The following MAP4K5 variants were observed in gnomAD, a reference collection of about 807,000 sequenced individuals.
MAP4K5 encodes the protein MAPK/ERK kinase kinase kinase 5.
MAP4K5 carries 82 observed loss-of-function variants against 135.6 expected under a neutral mutation model. That is an observed-to-expected ratio of 0.60 (90% CI 0.51 to 0.73). MAP4K5 has a LOEUF of 0.73. Ranked by LOEUF, MAP4K5 falls within the 30% of genes least tolerant of loss-of-function variation. The pLI is 0.00. For synonymous variants in MAP4K5, 347 were observed against 335.0 expected (o/e 1.04, Z -0.39); for missense variants, 907 against 1,010.9 (o/e 0.90, Z 1.39).
rs1407463708 is a variant in MAP4K5, at chr14:50,466,641, G to C, written c.679C>G (p.Leu227Val). Residue 227 changes from leucine (L) to valine (V), a missense_variant, in exon 11 of 33, where the codon CTC (leucine) becomes GTC (valine). Physicochemically the swap from Leu to Val is conservative, Grantham distance 32. Around this residue, in one of 3 missense-constraint regions of MAP4K5, gnomAD observed 690 missense variants for 777.4 expected, o/e 0.89. Coordinates refer to ENST00000682126, the MANE Select transcript of MAP4K5 (RefSeq NM_006575.6). ...AAATTACTTTTTGACATTAAGAAGA[G>C]AGCCCTGAAATAAAAATTATAGTTA... ...PMFDLHPMRA[L>V]FLMSKSNFQP... 7.1e-7 allele frequency: 1 copy of C among 1,414,058 alleles called. No individual in the cohort carries two copies. The allele number at this position is 1,414,058 out of a possible 1,614,324, so 87.6% of individuals were successfully genotyped here.
chr14:50,441,127 A>G (rs1805236300), intron 21 of MAP4K5, among the ~76,000 whole-genome samples: 1 of 152,206 alleles, frequency 6.6e-6, no homozygotes, highest in African/African-American at 2.4e-5. Flanking sequence ...AAACGAATGA[A>G]TAAGTGGGAA....
chr14:50,469,588 T>C (rs2036910631), intron 9 of MAP4K5, among the ~76,000 whole-genome samples: 1 of 152,144 alleles, frequency 6.6e-6, no homozygotes, highest in Non-Finnish European at 1.5e-5. Context: ...GTCAGGCAGA[T>C]ATGTTAGAGA....
chr14:50,532,572 TCGCCGC>T (rs531110683), upstream of MAP4K5: 12 of 150,358 alleles, frequency 8.0e-5, no homozygotes, highest in South Asian at 2.0e-4. Flanking sequence ...GCGCGTACAG[TCGCCGC>T]CGCCGCCGCC....
chr14:50,442,590 T>C (rs2036253360), intron 21 of MAP4K5, 142 bp downstream of exon 21: 2 of 600,688 alleles, frequency 3.3e-6, no homozygotes, highest in Non-Finnish European at 5.8e-6. Context: ...CCTATTGACC[T>C]ATTTAGGTTG....
chr14:50,530,975 A>G (rs752901595), intron 2 of MAP4K5, among the ~76,000 whole-genome samples: 4 of 152,248 alleles, frequency 2.6e-5, no homozygotes, highest in South Asian at 2.1e-4. Context: ...AAACCACTTC[A>G]GCGATATGCA....
upstream of MAP4K5, among the ~76,000 whole-genome samples, chr14:50,537,089 G>C (rs2038502885): frequency 6.6e-6 from 1 of 152,218 alleles, no homozygotes; most frequent in African/African-American, 2.4e-5. Context: ...CACAGGCCAG[G>C]AGACCTAGGA....
chr14:50,543,912 C>T (rs945553564), intron 1 of MAP4K5, among the ~76,000 whole-genome samples: 2 of 152,162 alleles, frequency 1.3e-5, no homozygotes, highest in African/African-American at 4.8e-5. Flanking sequence ...GACATGGTCA[C>T]AATTCTATTT....
intron 1 of MAP4K5, among the ~76,000 whole-genome samples, chr14:50,553,630 T>C (rs2038730399): frequency 6.6e-6 from 1 of 152,212 alleles, no homozygotes; most frequent in Non-Finnish European, 1.5e-5. Flanking sequence ...TAAGTCATTA[T>C]GTGAAAAAGA....
intron 1 of MAP4K5, among the ~76,000 whole-genome samples, chr14:50,555,580 A>G (rs1253187178): frequency 6.6e-6 from 1 of 152,212 alleles, no homozygotes; most frequent in Non-Finnish European, 1.5e-5. Flanking sequence ...CACCGTGGCC[A>G]GCCAGTTCCT....
At chr14:50,515,427 T>C (rs911798068) in intron 2 of MAP4K5, among the ~76,000 whole-genome samples, 4 of 152,206 alleles carry the variant, frequency 2.6e-5, no homozygotes, top group Non-Finnish European at 2.9e-5. Flanking sequence ...CTCATCAATT[T>C]GCCAATGCAT....
chr14:50,509,618 G>T (rs1412903479), intron 2 of MAP4K5, among the ~76,000 whole-genome samples: 2 of 150,116 alleles, frequency 1.3e-5, no homozygotes, highest in African/African-American at 4.9e-5. Context: ...AAAAATTATC[G>T]AATAAAAGTT....
intron 2 of MAP4K5, among the ~76,000 whole-genome samples, chr14:50,520,748 T>C (rs1365246557): frequency 6.6e-6 from 1 of 151,422 alleles, no homozygotes; most frequent in Non-Finnish European, 1.5e-5. Context: ...AGGAAGAATA[T>C]GCAGCAACCA....
At chr14:50,495,632 T>C (rs1237234253) in intron 3 of MAP4K5, among the ~76,000 whole-genome samples, 1 of 152,208 alleles carries the variant, frequency 6.6e-6, no homozygotes, top group Non-Finnish European at 1.5e-5. Context: ...GCAGCACTAT[T>C]TACAATAGCC....
At chr14:50,532,745 CCGCGCCCCCCTAGCCGGG>C (rs2038432470), upstream of MAP4K5, 3 of 152,890 alleles carry the variant, frequency 2.0e-5, no homozygotes, top group Admixed American at 1.3e-4. Context: ...GACCGCGCCA[CCGCGCCCCCCTAGCCGGG>C]CGCGTCCTTG....
intron 2 of MAP4K5, among the ~76,000 whole-genome samples, chr14:50,539,678 C>G (rs907961015): frequency 4.6e-5 from 7 of 152,140 alleles, no homozygotes; most frequent in African/African-American, 9.7e-5. Context: ...CAGTATAGCC[C>G]TAATGGGGAA....
chr14:50,485,173 A>T (rs1011986429), intron 5 of MAP4K5, among the ~76,000 whole-genome samples: 2 of 152,190 alleles, frequency 1.3e-5, no homozygotes, highest in African/African-American at 4.8e-5. Context: ...CATACATATT[A>T]ATACAAAAAT....
chr14:50,423,240 A>T, intron 31 of MAP4K5, 64 bp from the exon 32 acceptor site: 1 of 675,270 alleles, frequency 1.5e-6, no homozygotes. Flanking sequence ...AACAATTTAA[A>T]ATTAATTTAG....
At chr14:50,553,399 A>G (rs1361388450) in intron 1 of MAP4K5, among the ~76,000 whole-genome samples, 1 of 152,124 alleles carries the variant, frequency 6.6e-6, no homozygotes, top group Non-Finnish European at 1.5e-5. Flanking sequence ...AACCACAATG[A>G]GATACAACCT....
intron 3 of MAP4K5, among the ~76,000 whole-genome samples, chr14:50,490,011 G>A (rs540306513): frequency 6.6e-6 from 1 of 151,952 alleles, no homozygotes; most frequent in South Asian, 2.1e-4. Flanking sequence ...CCAAACCGCA[G>A]ACAGAGATGG....
Sources: gnomAD v4.1 joint callset for allele counts (sites outside exome capture counted in the v4.1 genomes callset) on GRCh38, gnomAD v4.1.1 for gene constraint, gnomAD v4.1.1 regional missense constraint, MANE v1.5 for transcripts, NCBI Gene and HGNC (gene_info 2026-07-23, HGNC 2026-07-21) for gene names.